The following GUCA1B variants were observed in gnomAD, a reference collection of about 807,000 sequenced individuals.
The protein encoded by GUCA1B is guanylate cyclase activator 1B, also known as guanylyl cyclase-activating protein 2.
GUCA1B carries 22 observed loss-of-function variants against 24.2 expected under a neutral mutation model. That is an observed-to-expected ratio of 0.91 (90% CI 0.65 to 1.30). The LOEUF (loss-of-function observed/expected upper bound fraction) is 1.30, where lower values mean the gene tolerates loss of function less well. GUCA1B is among the 50% of genes most tolerant of loss of function. GUCA1B has a pLI of 0.00. For synonymous variants in GUCA1B, 100 were observed against 97.9 expected (o/e 1.02, Z -0.13); for missense variants, 221 against 258.8 (o/e 0.85, Z 1.00).
chr6:42,194,315 A>G (rs1768360133), intron 1 of GUCA1B, among the ~76,000 whole-genome samples: 1 of 152,218 alleles, frequency 6.6e-6, no homozygotes, highest in South Asian at 2.1e-4. Flanking sequence ...ACACAAAGAG[A>G]GGACCTGGAC....
chr6:42,188,296 G>A (rs1263602070), intron 2 of GUCA1B, among the ~76,000 whole-genome samples: 1 of 66,336 alleles, frequency 1.5e-5, no homozygotes, highest in Non-Finnish European at 2.9e-5. Context: ...TACTTGTCGT[G>A]TGTGTGTGTG....
intron 1 of GUCA1B, 111 bp from the exon 2 acceptor site, chr6:42,188,842 T>C: frequency 9.7e-7 from 1 of 1,029,766 alleles, no homozygotes; most frequent in Non-Finnish European, 1.5e-6. Flanking sequence ...ATGTGGCCTC[T>C]GTGTCTTTGC....
intron 1 of GUCA1B, among the ~76,000 whole-genome samples, chr6:42,193,828 T>C (rs768221260): frequency 6.6e-6 from 1 of 152,194 alleles, no homozygotes; most frequent in Non-Finnish European, 1.5e-5. Context: ...TCAGATTAAA[T>C]TGGTATTTGA....
rs1374015481 is a variant in GUCA1B at position 42,194,867 on chromosome 6, T to C, written c.-47A>G. On this transcript the variant is annotated 5_prime_UTR_variant, in exon 1 of 4. Transcript: ENST00000230361. The stretch of plus-strand genomic sequence containing the variant: ...GGAGCAAGGGTCTGTATCTCCTCCC[T>C]GGCTTCTGCTGATGGATCTCTCCAA... The C allele has an allele frequency of 1.5e-6, 2 of 1,352,400 alleles. No individual in the cohort carries two copies. Among genetic ancestry groups the C allele is most frequent in the Middle Eastern group, 2.4e-4 (1 of 4,226 alleles). 83.8% of individuals were successfully genotyped at this position (1,352,400 alleles called of 1,614,324 possible).
intron 1 of GUCA1B, among the ~76,000 whole-genome samples, chr6:42,191,439 C>T (rs189312327): frequency 1.3e-5 from 2 of 152,182 alleles, no homozygotes; most frequent in East Asian, 1.9e-4. Context: ...AATCTCAGAC[C>T]GATTGTTCCG....
intron 2 of GUCA1B, among the ~76,000 whole-genome samples, chr6:42,188,086 T>G (rs1462574308): frequency 6.6e-6 from 1 of 152,140 alleles, no homozygotes; most frequent in Non-Finnish European, 1.5e-5. Context: ...GCTCAAGCAA[T>G]CCTCCCACCT....
chr6:42,190,117 G>A lies in GUCA1B; in HGVS notation c.208-1386C>T, dbSNP rs80263762. Among the ~76,000 whole-genome samples the A allele has an allele frequency of 2.7e-4, 41 of 152,234 alleles. No individual in the cohort carries two copies. In the East Asian group the frequency reaches 7.1e-3, roughly 26 times the overall value. ...CAAGGTTTGAGCAACAGGAGAAAAT[G>A]GCAGAAAATGAGGGAAACAGCAAGA... On this transcript the variant is annotated intron_variant, in intron 1 of 3. Coordinates refer to ENST00000230361, the MANE Select transcript of GUCA1B (RefSeq NM_002098.6).
In GUCA1B at chr6:42,194,907, C is replaced by T. The variant is rs1472606872; in HGVS notation, c.-87G>A. 11 of 957,826 alleles carry T rather than the reference C, an allele frequency of 1.1e-5. No homozygotes were observed. The highest frequency in any genetic ancestry group is 1.6e-5 in the Non-Finnish European group (10 of 616,706). The allele number at this position is 957,826 out of a possible 1,614,324, so 59.3% of individuals were successfully genotyped here. A position where few individuals can be genotyped will look rare whatever the true frequency, so the allele number is the denominator to read the frequency against. ...GATCTCTCCAACTAGGGCCCTCTTC[C>T]TCCCTTTCCAGGAGGCCTGATCAGC... is the stretch of plus-strand genomic sequence containing the variant. On this transcript the variant is annotated 5_prime_UTR_variant, in exon 1 of 4. Coordinates refer to ENST00000230361, the MANE Select transcript of GUCA1B (RefSeq NM_002098.6).
chr6:42,186,508 G>C (rs931160568), intron 2 of GUCA1B, among the ~76,000 whole-genome samples: 1 of 152,066 alleles, frequency 6.6e-6, no homozygotes, highest in Non-Finnish European at 1.5e-5. Flanking sequence ...CAGGAGAATC[G>C]CTTGAACCTG....
chr6:42,185,053 T>A, intron 3 of GUCA1B, 111 bp from the exon 4 acceptor site: 3 of 967,740 alleles, frequency 3.1e-6, no homozygotes, highest in Non-Finnish European at 4.8e-6. Flanking sequence ...ATGCCAACTA[T>A]CCTGCAGTCT....
chr6:42,185,728 C>T lies in GUCA1B; in HGVS notation c.427G>A (p.Glu143Lys), dbSNP rs771216024. ...AGGAAGATCCTGTCCACGACCTCCT[C>T]GGGTGTGAGCAGCTGGCCTTGCTCA... is the stretch of plus-strand genomic sequence containing the variant. Reference protein sequence around the residue: ...QTEQGQLLTPEEVVDRIFLLV... With the variant: ...QTEQGQLLTPKEVVDRIFLLV... Residue 143 changes from glutamate (E) to lysine (K), a missense_variant, in exon 3 of 4, where the codon GAG (glutamate) becomes AAG (lysine). Transcript: ENST00000230361. 1.1e-5 allele frequency: 17 copies of T among 1,612,976 alleles called. No homozygotes were observed. The highest frequency in any genetic ancestry group is 4.0e-5 in the African/African-American group (3 of 74,918).
intron 1 of GUCA1B, 34 bp from the exon 2 acceptor site, chr6:42,188,765 C>A: frequency 6.3e-7 from 1 of 1,596,512 alleles, no homozygotes; most frequent in South Asian, 1.1e-5. Flanking sequence ...GAGGGCACAG[C>A]CCACCTCCCC....
chr6:42,188,027 G>A (rs1243470772), intron 2 of GUCA1B, among the ~76,000 whole-genome samples: 2 of 151,144 alleles, frequency 1.3e-5, no homozygotes, highest in African/African-American at 4.9e-5. Context: ...TAATTTTTTT[G>A]TAGAGATGGG....
intron 1 of GUCA1B, among the ~76,000 whole-genome samples, chr6:42,189,416 A>T (rs373449830): frequency 2.0e-5 from 3 of 152,380 alleles, no homozygotes; most frequent in East Asian, 3.8e-4. Context: ...AAGCCAATAG[A>T]TATTCATAAA....
intron 1 of GUCA1B, among the ~76,000 whole-genome samples, chr6:42,192,186 T>C (rs1768316761): frequency 6.7e-6 from 1 of 150,264 alleles, no homozygotes; most frequent in South Asian, 2.1e-4. Context: ...AAACCCCATC[T>C]CTACTAAAAA....
At chr6:42,185,636 T>C (rs1768179678) in intron 3 of GUCA1B, 44 bp downstream of exon 3, 2 of 1,173,364 alleles carry the variant, frequency 1.7e-6, no homozygotes, top group East Asian at 4.7e-5. Context: ...AAAGTGGCGA[T>C]GATGCAGAGT....
At chr6:42,187,251 C>T (rs6914801) in intron 2 of GUCA1B, among the ~76,000 whole-genome samples, 1,541 of 151,960 alleles carry the variant, frequency 0.01, 26 homozygotes, top group African/African-American at 0.035. Flanking sequence ...ACTATAGGTG[C>T]CTGCCACCCC....
At chr6:42,192,353 C>CAAA (rs552941208) in intron 1 of GUCA1B, among the ~76,000 whole-genome samples, 2 of 57,194 alleles carry the variant, frequency 3.5e-5, no homozygotes, top group African/African-American at 1.6e-4. Context: ...GACTCCAACT[C>CAAA]AAAAAAAAAA....
At chr6:42,192,478 G>A (rs1191659426) in intron 1 of GUCA1B, among the ~76,000 whole-genome samples, 9 of 151,730 alleles carry the variant, frequency 5.9e-5, no homozygotes, top group African/African-American at 2.2e-4. Flanking sequence ...CTGGGAGGCC[G>A]GGGTGGGCAA....
Sources: allele counts gnomAD v4.1 joint callset (sites outside exome capture counted in the v4.1 genomes callset), GRCh38; gene constraint gnomAD v4.1.1; transcripts MANE v1.5; gene names NCBI Gene and HGNC (gene_info 2026-07-23, HGNC 2026-07-21).